The following LIMCH1 variants were observed in gnomAD, a reference collection of about 807,000 sequenced individuals.
The protein encoded by LIMCH1 is LIM and calponin homology domains-containing protein 1.
LIMCH1 carries 113 observed loss-of-function variants against 176.5 expected under a neutral mutation model. The observed-to-expected ratio is 0.64, with a 90% CI of 0.55 to 0.75. LIMCH1 has a LOEUF of 0.75. Ranked by LOEUF, LIMCH1 falls within the 30% of genes least tolerant of loss-of-function variation. The pLI, the probability that LIMCH1 is intolerant of heterozygous loss-of-function variation, is 0.00. For synonymous variants in LIMCH1, 619 were observed against 645.9 expected, an observed-to-expected ratio of 0.96 and a Z score of 0.63; for missense variants, 1,674 against 1,814.9, an observed-to-expected ratio of 0.92 and a Z score of 1.41.
chr4:41,639,028 T>C (rs961624565), intron 14 of LIMCH1, 61 bp downstream of exon 14: 5 of 1,221,270 alleles, frequency 4.1e-6, no homozygotes, highest in African/African-American at 3.1e-5. Context: ...ATGCTTCCAG[T>C]ACTTACCACT....
intron 1 of LIMCH1, among the ~76,000 whole-genome samples, chr4:41,574,919 G>A (rs951626372): frequency 2.6e-5 from 4 of 152,146 alleles, no homozygotes; most frequent in Admixed American, 2.0e-4. Context: ...AGGAACCACT[G>A]AATTCATCTT....
chr4:41,444,662 G>A (rs1336353917), intron 1 of LIMCH1, among the ~76,000 whole-genome samples: 1 of 152,152 alleles, frequency 6.6e-6, no homozygotes, highest in Non-Finnish European at 1.5e-5. Flanking sequence ...ATAAGCCCTT[G>A]CCAAGTACAA....
intron 1 of LIMCH1, among the ~76,000 whole-genome samples, chr4:41,559,970 T>G (rs2081849335): frequency 6.6e-6 from 1 of 152,136 alleles, no homozygotes; most frequent in Non-Finnish European, 1.5e-5. Flanking sequence ...CTATTGATAG[T>G]CCCGATCTCT....
chr4:41,639,569 A>G (rs753498084), intron 14 of LIMCH1, among the ~76,000 whole-genome samples: 50 of 152,230 alleles, frequency 3.3e-4, no homozygotes, highest in Non-Finnish European at 6.3e-4. Flanking sequence ...TTTTCACTCA[A>G]CCAAGCAGAG....
chr4:41,553,276 G>C (rs1259943502), intron 1 of LIMCH1, among the ~76,000 whole-genome samples: 1 of 152,196 alleles, frequency 6.6e-6, no homozygotes, highest in Non-Finnish European at 1.5e-5. Context: ...AGGGGAGGCA[G>C]ACAATTTCAG....
intron 1 of LIMCH1, among the ~76,000 whole-genome samples, chr4:41,549,762 CT>C (rs1410695170): frequency 2.0e-5 from 3 of 152,022 alleles, no homozygotes; most frequent in Non-Finnish European, 4.4e-5. Flanking sequence ...AAGAAGGATA[CT>C]TTTGCTTTCT....
chr4:41,398,089 G>A (rs2058000616), intron 1 of LIMCH1, among the ~76,000 whole-genome samples: 1 of 150,764 alleles, frequency 6.6e-6, no homozygotes. Context: ...ATTCTTGCAT[G>A]AGCCCAGATA....
At chr4:41,374,862 G>T (rs989091587) in intron 1 of LIMCH1, among the ~76,000 whole-genome samples, 2 of 152,178 alleles carry the variant, frequency 1.3e-5, no homozygotes, top group African/African-American at 2.4e-5. Context: ...GGCTGGGAAA[G>T]AGCGACTCCA....
At chr4:41,663,133 T>TAGTGTG in intron 20 of LIMCH1, 149 bp downstream of exon 20, 5 of 571,540 alleles carry the variant, frequency 8.7e-6, no homozygotes, top group Non-Finnish European at 8.5e-6. Flanking sequence ...TTTTTCTTTT[T>TAGTGTG]CGTGTGTGTG....
In LIMCH1 at chr4:41,425,937, A is replaced by G. The variant is rs183355319; in HGVS notation, c.96+65001A>G. Reference sequence around the variant, plus strand: ...GGATGTCTGAGGTGCTGCTGTTTTAAGGAACATTTATATGCATGTGAGTGG... The same window carrying G: ...GGATGTCTGAGGTGCTGCTGTTTTAGGGAACATTTATATGCATGTGAGTGG... On this transcript the variant is annotated intron_variant, in intron 1 of 26. Transcript: ENST00000313860. Among the ~76,000 whole-genome samples, 746 of 152,090 alleles carry G rather than the reference A, an allele frequency of 4.9e-3. 8 individuals are homozygous for G. Among genetic ancestry groups the G allele is most frequent in the Admixed American group, 6.3e-3 (97 of 15,284 alleles).
chr4:41,509,178 C>T (rs934976448), intron 2 of LIMCH1, among the ~76,000 whole-genome samples: 3 of 152,126 alleles, frequency 2.0e-5, no homozygotes, highest in African/African-American at 4.8e-5. Context: ...TATGGTCACC[C>T]CAGTTATTGA....
chr4:41,612,765 G>C, intron 4 of LIMCH1: 1 of 751,872 alleles, frequency 1.3e-6, no homozygotes, highest in Admixed American at 2.6e-5. Flanking sequence ...AGCTCCCCCA[G>C]CGCCAAGAGC....
chr4:41,442,805 A>G (rs547647997), intron 1 of LIMCH1, among the ~76,000 whole-genome samples: 34 of 152,324 alleles, frequency 2.2e-4, no homozygotes, highest in Non-Finnish European at 4.7e-4. Flanking sequence ...CCTCTATTGT[A>G]TCACATGTAA....
intron 1 of LIMCH1, among the ~76,000 whole-genome samples, chr4:41,578,334 G>A (rs1561810566): frequency 1.3e-5 from 2 of 152,124 alleles, no homozygotes; most frequent in Non-Finnish European, 1.5e-5. Flanking sequence ...CAGCGTAGAG[G>A]AAACTGCCCC....
At chr4:41,414,180 A>C (rs1024081137) in intron 1 of LIMCH1, among the ~76,000 whole-genome samples, 7 of 152,092 alleles carry the variant, frequency 4.6e-5, no homozygotes, top group Non-Finnish European at 8.8e-5. Flanking sequence ...GTGTGTGGAC[A>C]ACATAGGACA....
intron 21 of LIMCH1, among the ~76,000 whole-genome samples, chr4:41,670,379 A>G (rs571281360): frequency 3.9e-5 from 6 of 152,326 alleles, no homozygotes; most frequent in Middle Eastern, 3.4e-3. Context: ...TTCTCCAAAA[A>G]GCAATACAAA....
intron 1 of LIMCH1, among the ~76,000 whole-genome samples, chr4:41,391,749 A>C (rs2057267707): frequency 2.0e-5 from 3 of 152,184 alleles, no homozygotes; most frequent in African/African-American, 7.2e-5. Context: ...AAGCAAGCAA[A>C]GACTGAGAAG....
intron 1 of LIMCH1, among the ~76,000 whole-genome samples, chr4:41,477,215 T>A (rs960989859): frequency 6.6e-6 from 1 of 152,190 alleles, no homozygotes; most frequent in Non-Finnish European, 1.5e-5. Flanking sequence ...CCAGGGATAA[T>A]AATAATGCTT....
upstream of LIMCH1, among the ~76,000 whole-genome samples, chr4:41,533,617 CA>C (rs1308847583): frequency 3.3e-5 from 5 of 152,206 alleles, no homozygotes; most frequent in Non-Finnish European, 7.3e-5. Context: ...CACTTCAAGA[CA>C]TAATTCCTGC....
Sources: allele counts gnomAD v4.1 joint callset (sites outside exome capture counted in the v4.1 genomes callset), GRCh38; gene constraint gnomAD v4.1.1; transcripts MANE v1.5; gene names NCBI Gene and HGNC (gene_info 2026-07-23, HGNC 2026-07-21).